Variants in ERVH48-1 observed in about 807,000 individuals in gnomAD.
The protein encoded by ERVH48-1 is endogenous retrovirus group 48 member 1, envelope.
Under a neutral mutation model 2.4 loss-of-function variants are expected in ERVH48-1, and 4 were observed. The observed-to-expected ratio is 1.68, with a 90% CI of 0.83 to 3.84. The LOEUF (loss-of-function observed/expected upper bound fraction) is 3.84. Among genes scored for constraint, ERVH48-1 ranks in the 30% most tolerant of loss-of-function variants. ERVH48-1 has a pLI of 0.01. For missense variants in ERVH48-1, 97 were observed against 43.4 expected, an observed-to-expected ratio of 2.23 and a Z score of -3.47; for synonymous variants, 32 against 15.5, an observed-to-expected ratio of 2.06 and a Z score of -2.49.
rs2058790778 is a variant in ERVH48-1, at chr21:42,917,054, G to C, written c.*1470C>G. ...GGTGCAAGTTTGTACCTTGGGACTGGGCCTGAGGAGGAGGAGTTATTCATC... is the reference window on the plus strand; with the variant it reads ...GGTGCAAGTTTGTACCTTGGGACTGCGCCTGAGGAGGAGGAGTTATTCATC... On this transcript the variant is annotated 3_prime_UTR_variant, in exon 2 of 2. Coordinates refer to ENST00000447535, the MANE Select transcript of ERVH48-1 (RefSeq NM_001308491.2). 6.6e-6 allele frequency: 1 copy of C among 152,114 alleles called. No individual in the cohort carries two copies. Among genetic ancestry groups the C allele is most frequent in the Non-Finnish European group, 1.5e-5 (1 of 68,054 alleles). The allele number at this position is 152,114 out of a possible 1,614,324, so 9.4% of individuals were successfully genotyped here.
chr21:42,921,076 C>T (rs1263306636), intron 1 of ERVH48-1, among the ~76,000 whole-genome samples: 1 of 152,090 alleles, frequency 6.6e-6, no homozygotes, highest in African/African-American at 2.4e-5. Flanking sequence ...GCAAGCAGCC[C>T]ATCCGAGAAC....
chr21:42,922,296 G>A (rs2058808164), intron 1 of ERVH48-1, among the ~76,000 whole-genome samples: 1 of 152,072 alleles, frequency 6.6e-6, no homozygotes, highest in Admixed American at 6.6e-5. Context: ...TAGGGTGGGA[G>A]GTTGCAGGAG....
At position 42,925,428 on chromosome 21, in the gene ERVH48-1, C is replaced by G. The variant is rs2058817964; in HGVS notation, c.-368G>C. ...AGCTTCCTTTGTCCGGCTGCTGTGG[C>G]CTGCTTTCCCAGATGGAGGGGTGGT... On this transcript the variant is annotated 5_prime_UTR_variant, in exon 1 of 2. Transcript: ENST00000447535. 1 of 490,106 alleles carries G rather than the reference C, an allele frequency of 2.0e-6. No individual in the cohort carries two copies. Among genetic ancestry groups the G allele is most frequent in the Admixed American group, 2.8e-5 (1 of 35,442 alleles). 30.4% of individuals were successfully genotyped at this position (490,106 alleles called of 1,614,324 possible).
chr21:42,922,811 G>T (rs543769713), intron 1 of ERVH48-1, among the ~76,000 whole-genome samples: 2 of 151,654 alleles, frequency 1.3e-5, no homozygotes, highest in African/African-American at 4.8e-5. Context: ...GTGGAGGGGG[G>T]CTCGGGATTT....
rs1418363700 is a variant in ERVH48-1, at chr21:42,918,805, CTA to C, written c.200_201del (p.Ile67ArgfsTer14). ...ATTAAGTTTCCATAACAGGATCTTT[CTA>C]TATGAGTATGGTAAGTAAAGTATTG... ...MQQYFTYHTH[I>X]ERSCYGNLIE... is the part of the protein sequence containing the mutation. On this transcript the variant is annotated frameshift_variant, in exon 2 of 2. Coordinates refer to ENST00000447535, the MANE Select transcript of ERVH48-1 (RefSeq NM_001308491.2). LOFTEE classifies it high-confidence loss of function. 4.4e-6 allele frequency: 2 copies of C among 456,570 alleles called. No homozygotes were observed. The highest frequency in any genetic ancestry group is 2.0e-5 in the African/African-American group (1 of 50,062). The allele number at this position is 456,570 out of a possible 1,614,324, so 28.3% of individuals were successfully genotyped here. A position where few individuals can be genotyped will look rare whatever the true frequency, so the allele number is the denominator to read the frequency against.
At chr21:42,921,813 G>GAGGTAGTAGGCACCAGTGAGCTGATGT (rs1464672311) in intron 1 of ERVH48-1, among the ~76,000 whole-genome samples, 4 of 151,958 alleles carry the variant, frequency 2.6e-5, no homozygotes, top group South Asian at 2.1e-4. Flanking sequence ...GGTGGGTGTT[G>GAGGTAGTAGGCACCAGTGAGCTGATGT]GGGTCTTCCC....
rs1284722016 is a variant in ERVH48-1 at position 42,917,839 on chromosome 21, C to G, written c.*685G>C. 1.3e-5 allele frequency: 2 copies of G among 152,194 alleles called. No individual in the cohort carries two copies. Among genetic ancestry groups the G allele is most frequent in the Non-Finnish European group, 2.9e-5 (2 of 68,046 alleles). 9.4% of individuals were successfully genotyped at this position (152,194 alleles called of 1,614,324 possible). A position where few individuals can be genotyped will look rare whatever the true frequency, so the allele number is the denominator to read the frequency against. ...TCCTCTCACAATCTTTGGCTCCCTC[C>G]TACCTCCAAGGATCATTTTTCTCTG... On this transcript the variant is annotated 3_prime_UTR_variant, in exon 2 of 2. Transcript: ENST00000447535.
At chr21:42,919,776 GTGA>G (rs2058800042) in intron 1 of ERVH48-1, among the ~76,000 whole-genome samples, 4 of 152,346 alleles carry the variant, frequency 2.6e-5, no homozygotes, top group African/African-American at 9.6e-5. Flanking sequence ...GAGAGTTTGT[GTGA>G]TGATATTTGC....
At chr21:42,922,138 G>A (rs917459812) in intron 1 of ERVH48-1, among the ~76,000 whole-genome samples, 5 of 152,138 alleles carry the variant, frequency 3.3e-5, no homozygotes, top group Admixed American at 3.3e-4. Flanking sequence ...CTGCTTAGGG[G>A]ATTGGATACT....
Position 42,919,307 on chromosome 21 carries a change from G to T in ERVH48-1, c.-285-16C>A, listed in dbSNP as rs979972754. ...ACGTCTGTGCCTGCAAGACAGTTAT[G>T]ATGTTGAGAGGATAAGGAGGTGTCG... On this transcript the variant is annotated splice_polypyrimidine_tract_variant and intron_variant, in intron 1 of 1. Transcript: ENST00000447535. The T allele has an allele frequency of 9.8e-5, 23 of 235,310 alleles. No individual in the cohort carries two copies. Among genetic ancestry groups the T allele is most frequent in the Admixed American group, 3.6e-4 (7 of 19,648 alleles). 14.6% of individuals were successfully genotyped at this position (235,310 alleles called of 1,614,324 possible).
intron 1 of ERVH48-1, among the ~76,000 whole-genome samples, chr21:42,922,835 T>C (rs377444506): frequency 2.6e-5 from 4 of 151,440 alleles, no homozygotes; most frequent in South Asian, 4.2e-4. Context: ...GACCATCAGT[T>C]GTCCATCAAT....
At position 42,919,187 on chromosome 21, in the gene ERVH48-1, G is replaced by T; in HGVS notation, c.-181C>A. 1 of 609,714 alleles carries T rather than the reference G, an allele frequency of 1.6e-6. No homozygotes were observed. The highest frequency in any genetic ancestry group is 2.4e-6 in the Non-Finnish European group (1 of 415,570). The allele number at this position is 609,714 out of a possible 1,614,324, so 37.8% of individuals were successfully genotyped here. A position where few individuals can be genotyped will look rare whatever the true frequency, so the allele number is the denominator to read the frequency against. ...CGATGGATCCAGTTGGGGAGTCCTC[G>T]GACTCTCACTGCAGTTGGTGTGCTG... On this transcript the variant is annotated 5_prime_UTR_variant, in exon 2 of 2. Coordinates refer to ENST00000447535, the MANE Select transcript of ERVH48-1 (RefSeq NM_001308491.2).
rs1276739761 is a variant in ERVH48-1 at position 42,918,702 on chromosome 21, A to AT, written c.304dup (p.Ile102AsnfsTer25). ...AAGCCACTGCTTCCCTCTGGGGCAA[A>AT]TAGCCCCATTACGACTGCCACATAC... On this transcript the variant is annotated frameshift_variant, in exon 2 of 2. Coordinates refer to ENST00000447535, the MANE Select transcript of ERVH48-1 (RefSeq NM_001308491.2). LOFTEE classifies it high-confidence loss of function. The AT allele has an allele frequency of 4.4e-6, 2 of 456,576 alleles. No individual in the cohort carries two copies. Among genetic ancestry groups the AT allele is most frequent in the African/African-American group, 4.0e-5 (2 of 50,066 alleles). 28.3% of individuals were successfully genotyped at this position (456,576 alleles called of 1,614,324 possible).
rs1324163059 is a variant in ERVH48-1 at position 42,918,213 on chromosome 21, T to TCC, written c.*310_*311insGG. On this transcript the variant is annotated 3_prime_UTR_variant, in exon 2 of 2. Coordinates refer to ENST00000447535, the MANE Select transcript of ERVH48-1 (RefSeq NM_001308491.2). Reference sequence around the variant, plus strand: ...ACCACTCAGCTATGGAGGCATTGACTGTTAGGGTTTGGTGACGGGTTTTCA... The same window carrying TCC: ...ACCACTCAGCTATGGAGGCATTGACTCCGTTAGGGTTTGGTGACGGGTTTTCA... 7.1e-5 allele frequency: 21 copies of TCC among 295,310 alleles called. No homozygotes were observed. Among genetic ancestry groups the TCC allele is most frequent in the South Asian group, 6.6e-5 (2 of 30,366 alleles). The allele number at this position is 295,310 out of a possible 1,614,324, so 18.3% of individuals were successfully genotyped here.
In ERVH48-1 at chr21:42,925,523, T is replaced by C; in HGVS notation, c.-463A>G. On this transcript the variant is annotated 5_prime_UTR_variant, in exon 1 of 2. Coordinates refer to ENST00000447535, the MANE Select transcript of ERVH48-1 (RefSeq NM_001308491.2). ...GCCAGCCCCAAGGCTCTTGCATTGG[T>C]TGGAACCCGGAGAGCGCGCCAACAG... The C allele has an allele frequency of 3.4e-6, 1 of 294,974 alleles. No homozygotes were observed. The highest frequency in any genetic ancestry group is 3.5e-5 in the South Asian group (1 of 28,516). 18.3% of individuals were successfully genotyped at this position (294,974 alleles called of 1,614,324 possible).
chr21:42,924,024 C>G (rs959539826), intron 1 of ERVH48-1, among the ~76,000 whole-genome samples: 1 of 152,220 alleles, frequency 6.6e-6, no homozygotes, highest in East Asian at 1.9e-4. Context: ...CTAGCACAGA[C>G]GCTGAAGTAA....
At chr21:42,922,772 G>T (rs1315651087) in intron 1 of ERVH48-1, among the ~76,000 whole-genome samples, 2 of 146,782 alleles carry the variant, frequency 1.4e-5, no homozygotes, top group Admixed American at 6.7e-5. Context: ...AAAAGTGAGT[G>T]AAGGAAAAGG....
At chr21:42,925,167 A>C (rs1362921127) in intron 1 of ERVH48-1, among the ~76,000 whole-genome samples, 179 bp downstream of exon 1, 1 of 152,080 alleles carries the variant, frequency 6.6e-6, no homozygotes, top group Non-Finnish European at 1.5e-5. Context: ...GCTGGTCTCG[A>C]ACTCCTGATC....
In ERVH48-1 at chr21:42,916,926, C is replaced by A. The variant is rs1226586251; in HGVS notation, c.*1598G>T. On this transcript the variant is annotated 3_prime_UTR_variant, in exon 2 of 2. Coordinates refer to ENST00000447535, the MANE Select transcript of ERVH48-1 (RefSeq NM_001308491.2). ...CCTCTGTAAACAGGAATTGTCCCAG[C>A]CTAACGTGACTGCTATGTAGTACCA... The A allele has an allele frequency of 6.5e-6, 1 of 153,166 alleles. No individual in the cohort carries two copies. The highest frequency in any genetic ancestry group is 1.5e-5 in the Non-Finnish European group (1 of 68,778). The allele number at this position is 153,166 out of a possible 1,614,324, so 9.5% of individuals were successfully genotyped here.
Sources: allele counts gnomAD v4.1 joint callset (sites outside exome capture counted in the v4.1 genomes callset), GRCh38; gene constraint gnomAD v4.1.1; transcripts MANE v1.5; gene names NCBI Gene and HGNC (gene_info 2026-07-23, HGNC 2026-07-21).